Variants in STK32A observed in about 807,000 individuals in gnomAD.
The protein encoded by STK32A is serine/threonine-protein kinase 32A.
STK32A carries 41 observed loss-of-function variants against 53.2 expected under a neutral mutation model. That is an observed-to-expected ratio of 0.77 (90% CI 0.60 to 1.00). The LOEUF (loss-of-function observed/expected upper bound fraction) is 1.00. Among genes scored for constraint, STK32A ranks in the 50% least tolerant of loss-of-function variants. The pLI, the probability that STK32A is intolerant of heterozygous loss-of-function variation, is 0.00. For missense variants in STK32A, 458 were observed against 485.8 expected, an observed-to-expected ratio of 0.94 and a Z score of 0.54; for synonymous variants, 166 against 162.8, an observed-to-expected ratio of 1.02 and a Z score of -0.15.
intron 6 of STK32A, among the ~76,000 whole-genome samples, chr5:147,343,963 G>A (rs867553479): frequency 3.3e-5 from 5 of 152,306 alleles, no homozygotes; most frequent in Middle Eastern, 3.4e-3. Flanking sequence ...GCTTTTGCCC[G>A]TGATGATTAA....
At chr5:147,329,078 C>T (rs567765248) in intron 5 of STK32A, among the ~76,000 whole-genome samples, 43 of 152,128 alleles carry the variant, frequency 2.8e-4, no homozygotes, top group African/African-American at 1.0e-3. Context: ...AATTACAGTA[C>T]AACAGAGAGA....
intron 2 of STK32A, among the ~76,000 whole-genome samples, chr5:147,261,370 T>C (rs6884890): frequency 0.3 from 44,875 of 151,824 alleles, 6,947 homozygotes; most frequent in African/African-American, 0.36. Context: ...CTCTGATGCA[T>C]GTGGCCCTTG....
At chr5:147,295,693 C>T (rs368247237) in intron 4 of STK32A, among the ~76,000 whole-genome samples, 14 of 152,308 alleles carry the variant, frequency 9.2e-5, no homozygotes, top group African/African-American at 3.1e-4. Flanking sequence ...CAGACACACA[C>T]AGGCAGATTT....
At chr5:147,349,603 A>G (rs371109008) in intron 6 of STK32A, among the ~76,000 whole-genome samples, 1 of 152,118 alleles carries the variant, frequency 6.6e-6, no homozygotes, top group Admixed American at 6.5e-5. Flanking sequence ...CCTGCCACGT[A>G]TAAGTATTAG....
intron 10 of STK32A, among the ~76,000 whole-genome samples, chr5:147,374,617 G>A (rs1581152305): frequency 6.6e-6 from 1 of 152,210 alleles, no homozygotes; most frequent in South Asian, 2.1e-4. Context: ...AGCCATCAAT[G>A]CTGGCTCAAA....
At chr5:147,355,978 T>G (rs936610000) in intron 7 of STK32A, among the ~76,000 whole-genome samples, 1 of 152,174 alleles carries the variant, frequency 6.6e-6, no homozygotes, top group Non-Finnish European at 1.5e-5. Flanking sequence ...CATTTTATAA[T>G]GTAACAATAA....
chr5:147,246,916 C>T (rs1217520692), intron 2 of STK32A, among the ~76,000 whole-genome samples: 2 of 152,120 alleles, frequency 1.3e-5, no homozygotes, highest in Admixed American at 6.5e-5. Context: ...AAATTCATTG[C>T]TTCTTTATGA....
At chr5:147,268,323 T>C (rs1303979869) in intron 2 of STK32A, among the ~76,000 whole-genome samples, 1 of 152,182 alleles carries the variant, frequency 6.6e-6, no homozygotes, top group Non-Finnish European at 1.5e-5. Context: ...TCTGAGGTTG[T>C]AATAATCTCC....
intron 10 of STK32A, among the ~76,000 whole-genome samples, chr5:147,374,621 G>T (rs929127170): frequency 6.6e-6 from 1 of 152,092 alleles, no homozygotes; most frequent in Non-Finnish European, 1.5e-5. Flanking sequence ...ATCAATGCTG[G>T]CTCAAAAGAA....
intron 4 of STK32A, among the ~76,000 whole-genome samples, chr5:147,315,368 G>A (rs922995120): frequency 6.6e-6 from 1 of 152,088 alleles, no homozygotes; most frequent in African/African-American, 2.4e-5. Flanking sequence ...CATAGTATGT[G>A]CCTATGATGG....
At chr5:147,238,939 A>G (rs996452404) in intron 1 of STK32A, among the ~76,000 whole-genome samples, 13 of 152,166 alleles carry the variant, frequency 8.5e-5, no homozygotes, top group Non-Finnish European at 1.9e-4. Context: ...ATATGTGTGT[A>G]TTATACATTT....
At chr5:147,345,803 A>G (rs1338821266) in intron 6 of STK32A, among the ~76,000 whole-genome samples, 1 of 152,140 alleles carries the variant, frequency 6.6e-6, no homozygotes, top group African/African-American at 2.4e-5. Context: ...TGTCTTATTT[A>G]CAATGACTGC....
chr5:147,276,642 G>T (rs1755272254), intron 2 of STK32A, among the ~76,000 whole-genome samples: 1 of 152,208 alleles, frequency 6.6e-6, no homozygotes, highest in Non-Finnish European at 1.5e-5. Context: ...TTCTGAGGTG[G>T]CAGGGGAACC....
downstream of STK32A, among the ~76,000 whole-genome samples, chr5:147,388,429 T>C (rs986417706): frequency 6.6e-6 from 1 of 152,200 alleles, no homozygotes; most frequent in Non-Finnish European, 1.5e-5. Flanking sequence ...TAGGCTGTTG[T>C]AAGTTTTGTG....
intron 2 of STK32A, among the ~76,000 whole-genome samples, chr5:147,265,465 T>C (rs1255464698): frequency 6.6e-6 from 1 of 152,212 alleles, no homozygotes; most frequent in Non-Finnish European, 1.5e-5. Context: ...CATATTCATC[T>C]AATTTTAGAA....
rs12655505 is a variant in STK32A at position 147,387,385 on chromosome 5, G to C, written c.*3402G>C. 6.6e-6 allele frequency: 1 copy of C among 152,210 alleles called. No homozygotes were observed. Among genetic ancestry groups the C allele is most frequent in the African/African-American group, 2.4e-5 (1 of 41,452 alleles). The allele number at this position is 152,210 out of a possible 1,614,324, so 9.4% of individuals were successfully genotyped here. On this transcript the variant is annotated 3_prime_UTR_variant, in exon 13 of 13. Coordinates refer to ENST00000397936, the MANE Select transcript of STK32A (RefSeq NM_001112724.2). ...AGTAATCTAATTAATTAGTAGCTAG[G>C]CTTCTTCTGATAGGAAAGTTTCAAC...
chr5:147,395,595 C>T, the STK32A span: 2 of 1,613,848 alleles, frequency 1.2e-6, no homozygotes, highest in Non-Finnish European at 1.7e-6. Flanking sequence ...AGATTCCTCA[C>T]AGGTGGGTTC....
chr5:147,278,587 T>C (rs887607754), intron 3 of STK32A, among the ~76,000 whole-genome samples: 1 of 152,216 alleles, frequency 6.6e-6, no homozygotes, highest in African/African-American at 2.4e-5. Flanking sequence ...TGTTTCCTCA[T>C]TTGTCTAATG....
At chr5:147,378,340 T>C (rs1259508803) in intron 11 of STK32A, among the ~76,000 whole-genome samples, 1 of 152,126 alleles carries the variant, frequency 6.6e-6, no homozygotes, top group East Asian at 1.9e-4. Flanking sequence ...CTGGCACATC[T>C]CAGGGCACAG....
Sources: allele counts gnomAD v4.1 joint callset (sites outside exome capture counted in the v4.1 genomes callset), GRCh38; gene constraint gnomAD v4.1.1; transcripts MANE v1.5; gene names NCBI Gene and HGNC (gene_info 2026-07-23, HGNC 2026-07-21).